The following COL22A1 variants were observed in gnomAD, a reference collection of about 807,000 sequenced individuals.
COL22A1 encodes the protein collagen type XXII alpha 1 chain.
A neutral mutation model predicts 248.9 loss-of-function variants in COL22A1; 221 were observed. The observed-to-expected ratio is 0.89, with a 90% CI of 0.80 to 0.99. The LOEUF is 0.99. COL22A1 is among the 50% of genes least tolerant of loss of function. The pLI is 0.00. For synonymous variants in COL22A1, 891 were observed against 793.4 expected (o/e 1.12, Z -2.07); for missense variants, 2,240 against 2,179.0 (o/e 1.03, Z -0.56).
intron 23 of COL22A1, among the ~76,000 whole-genome samples, chr8:138,735,866 G>A (rs556735571): frequency 9.9e-5 from 15 of 152,252 alleles, no homozygotes; most frequent in Admixed American, 4.6e-4. Flanking sequence ...CAGTGTTTTC[G>A]GGATGAGTGC....
chr8:138,736,800 C>A (rs1361274174), intron 23 of COL22A1, among the ~76,000 whole-genome samples: 1 of 152,134 alleles, frequency 6.6e-6, no homozygotes, highest in Non-Finnish European at 1.5e-5. Flanking sequence ...GGAACAGAGG[C>A]CTCTGAGACT....
chr8:138,771,582 C>A (rs1040046586), intron 16 of COL22A1, among the ~76,000 whole-genome samples: 1 of 152,304 alleles, frequency 6.6e-6, no homozygotes, highest in Middle Eastern at 3.4e-3. Context: ...GGAAAAACGT[C>A]CAACGCTACA....
intron 45 of COL22A1, 89 bp downstream of exon 45, chr8:138,655,808 G>T: frequency 9.1e-7 from 1 of 1,100,092 alleles, no homozygotes; most frequent in Non-Finnish European, 1.4e-6. Context: ...CCAAATAGTT[G>T]TTCAAAAAAA....
At chr8:138,731,282 C>T (rs992976110) in intron 23 of COL22A1, among the ~76,000 whole-genome samples, 1 of 152,030 alleles carries the variant, frequency 6.6e-6, no homozygotes, top group Admixed American at 6.5e-5. Context: ...GCCTGGGCAA[C>T]AAGAGCAAAA....
intron 39 of COL22A1, among the ~76,000 whole-genome samples, chr8:138,682,140 A>C (rs1443263054): frequency 6.6e-6 from 1 of 152,244 alleles, no homozygotes; most frequent in African/African-American, 2.4e-5. Context: ...ATAGAAAGAA[A>C]TAAATAAAAA....
chr8:138,675,332 T>C (rs1371223549), intron 41 of COL22A1, among the ~76,000 whole-genome samples: 1 of 152,182 alleles, frequency 6.6e-6, no homozygotes, highest in Non-Finnish European at 1.5e-5. Context: ...GGGTAATAAG[T>C]TGGATTTTCC....
intron 11 of COL22A1, among the ~76,000 whole-genome samples, chr8:138,800,649 A>C (rs1252628945): frequency 2.6e-5 from 4 of 152,190 alleles, no homozygotes; most frequent in African/African-American, 7.2e-5. Context: ...AGAGCTGCTG[A>C]TGATATCAGG....
chr8:138,613,152 G>A (rs1382826508), intron 56 of COL22A1, among the ~76,000 whole-genome samples: 5 of 151,856 alleles, frequency 3.3e-5, no homozygotes, highest in Admixed American at 2.6e-4. Context: ...GGAGGCTGAG[G>A]CAGGAGAATG....
At chr8:138,685,389 A>T in intron 37 of COL22A1, 77 bp from the exon 38 acceptor site, 1 of 1,153,438 alleles carries the variant, frequency 8.7e-7, no homozygotes, top group Non-Finnish European at 1.3e-6. Flanking sequence ...CAGCTTGAGT[A>T]GGTTTGTAGG....
intron 31 of COL22A1, among the ~76,000 whole-genome samples, chr8:138,700,615 C>G (rs2130975281): frequency 6.6e-6 from 1 of 152,302 alleles, no homozygotes; most frequent in South Asian, 2.1e-4. Flanking sequence ...CCCTGCTTGA[C>G]AGAGCCCAGG....
At chr8:138,777,848 T>C (rs139202989) in intron 15 of COL22A1, 27 of 169,138 alleles carry the variant, frequency 1.6e-4, no homozygotes, top group African/African-American at 5.5e-4. Flanking sequence ...TGTGTCTTTA[T>C]AGAGAATCGA....
intron 41 of COL22A1, among the ~76,000 whole-genome samples, chr8:138,670,919 C>T (rs1313675456): frequency 6.9e-6 from 1 of 143,928 alleles, no homozygotes; most frequent in African/African-American, 2.6e-5. Flanking sequence ...CATGATCACG[C>T]CACTGCACTC....
chr8:138,658,166 T>C (rs1823462526), intron 44 of COL22A1, among the ~76,000 whole-genome samples: 1 of 152,074 alleles, frequency 6.6e-6, no homozygotes, highest in South Asian at 2.1e-4. Flanking sequence ...TTTGGGTCAC[T>C]CTCTCCACCC....
chr8:138,624,652 G>T (rs750040808), intron 51 of COL22A1, among the ~76,000 whole-genome samples: 1 of 152,192 alleles, frequency 6.6e-6, no homozygotes, highest in South Asian at 2.1e-4. Flanking sequence ...AAATCAGTAC[G>T]TATTTCCTAA....
intron 23 of COL22A1, among the ~76,000 whole-genome samples, chr8:138,727,120 C>T (rs959151384): frequency 3.3e-5 from 5 of 152,202 alleles, no homozygotes; most frequent in African/African-American, 1.2e-4. Flanking sequence ...GCTGAACCAC[C>T]TTCAGTGGCT....
intron 1 of COL22A1, among the ~76,000 whole-genome samples, chr8:138,903,930 C>G (rs991875514): frequency 2.0e-5 from 3 of 152,098 alleles, no homozygotes; most frequent in African/African-American, 7.2e-5. Flanking sequence ...TGTGGGGGAT[C>G]CTGATGCACA....
chr8:138,893,432 A>T (rs960955571), intron 1 of COL22A1, among the ~76,000 whole-genome samples: 3 of 152,240 alleles, frequency 2.0e-5, no homozygotes, highest in African/African-American at 2.4e-5. Flanking sequence ...GTTGGGTTTA[A>T]TTAAACGAGT....
At chr8:138,623,111 C>A (rs1455696442) in intron 52 of COL22A1, among the ~76,000 whole-genome samples, 2 of 151,810 alleles carry the variant, frequency 1.3e-5, no homozygotes, top group Non-Finnish European at 2.9e-5. Flanking sequence ...ACTGGGACCA[C>A]CAAGACATTC....
At chr8:138,911,433 T>G (rs1189444314) in intron 1 of COL22A1, among the ~76,000 whole-genome samples, 1 of 152,184 alleles carries the variant, frequency 6.6e-6, no homozygotes, top group Admixed American at 6.5e-5. Context: ...TGTGACCCTC[T>G]TACAATGAAA....
Sources: allele counts gnomAD v4.1 joint callset (sites outside exome capture counted in the v4.1 genomes callset), GRCh38; gene constraint gnomAD v4.1.1; transcripts MANE v1.5; gene names NCBI Gene and HGNC (gene_info 2026-07-23, HGNC 2026-07-21).